The following AGPAT5 variants were observed in gnomAD, a reference collection of about 807,000 sequenced individuals.
The protein encoded by AGPAT5 is 1-acyl-sn-glycerol-3-phosphate acyltransferase epsilon.
AGPAT5 carries 46 observed loss-of-function variants against 45.6 expected under a neutral mutation model. That is an observed-to-expected ratio of 1.01 (90% confidence interval 0.80 to 1.29). AGPAT5 has a LOEUF of 1.29. Among genes scored for constraint, AGPAT5 ranks in the 50% most tolerant of loss-of-function variants. The pLI, the probability that AGPAT5 is intolerant of heterozygous loss-of-function variation, is 0.00. For missense variants in AGPAT5, 673 were observed against 450.7 expected (o/e 1.49, Z -4.47); for synonymous variants, 272 against 167.0 (o/e 1.63, Z -4.85).
chr8:6,713,151 G>T (rs575926308), intron 1 of AGPAT5, among the ~76,000 whole-genome samples: 1 of 152,142 alleles, frequency 6.6e-6, no homozygotes, highest in Non-Finnish European at 1.5e-5. Context: ...AAAAGTTTTT[G>T]TAGAAATGGG....
At chr8:6,729,258 A>G (rs1800785397) in intron 2 of AGPAT5, among the ~76,000 whole-genome samples, 1 of 152,086 alleles carries the variant, frequency 6.6e-6, no homozygotes, top group Non-Finnish European at 1.5e-5. Context: ...CTGAGAGCTA[A>G]TCATCTTGTA....
intron 4 of AGPAT5, among the ~76,000 whole-genome samples, chr8:6,735,695 GTT>G (rs1801027461): frequency 1.3e-5 from 2 of 151,988 alleles, no homozygotes; most frequent in South Asian, 4.1e-4. Flanking sequence ...TGTTGTTGTT[GTT>G]GTAGGGTTGG....
rs1801926360 is a variant in AGPAT5 at position 6,758,652 on chromosome 8, G to T, written c.*1264G>T. On this transcript the variant is annotated 3_prime_UTR_variant, in exon 8 of 8. Transcript: ENST00000285518. ...AACGAATTTGTTTATTTCCCATTAG[G>T]TTTAGTGGAGCTACACATTAATATG... 6.6e-6 allele frequency: 1 copy of T among 152,616 alleles called. No homozygotes were observed. Among genetic ancestry groups the T allele is most frequent in the Admixed American group, 6.5e-5 (1 of 15,282 alleles). The allele number at this position is 152,616 out of a possible 1,614,324, so 9.5% of individuals were successfully genotyped here.
intron 1 of AGPAT5, among the ~76,000 whole-genome samples, chr8:6,715,177 A>G (rs1800280043): frequency 6.6e-6 from 1 of 152,232 alleles, no homozygotes; most frequent in Admixed American, 6.5e-5. Flanking sequence ...AAGACAAACA[A>G]TAACAAGAAA....
At chr8:6,724,283 C>G (rs901810391) in intron 1 of AGPAT5, among the ~76,000 whole-genome samples, 2 of 152,180 alleles carry the variant, frequency 1.3e-5, no homozygotes, top group Non-Finnish European at 2.9e-5. Context: ...TGCCCATGTT[C>G]CCAACAGGCC....
Position 6,714,676 on chromosome 8 carries a change from A to G in AGPAT5, c.219+5789A>G, listed in dbSNP as rs80311446. Among the ~76,000 whole-genome samples, 1,273 of 152,320 alleles carry G rather than the reference A, an allele frequency of 8.4e-3. 65 individuals are homozygous for G. Among genetic ancestry groups the G allele is most frequent in the Admixed American group, 0.064 (978 of 15,294 alleles). On this transcript the variant is annotated intron_variant, in intron 1 of 7. Coordinates refer to ENST00000285518, the MANE Select transcript of AGPAT5 (RefSeq NM_018361.5). ...ACATCCCAGTTTGGTGTGTAACTTTAGATTTCTTCCAAGAGCTTTTGAGTA... is the reference window on the plus strand; with the variant it reads ...ACATCCCAGTTTGGTGTGTAACTTTGGATTTCTTCCAAGAGCTTTTGAGTA...
intron 1 of AGPAT5, among the ~76,000 whole-genome samples, chr8:6,724,485 A>G (rs566858542): frequency 2.0e-5 from 3 of 152,354 alleles, no homozygotes; most frequent in South Asian, 2.1e-4. Context: ...CCATATTTTC[A>G]TAGTATTTGC....
At chr8:6,735,414 G>C (rs551706366) in intron 4 of AGPAT5, among the ~76,000 whole-genome samples, 2 of 152,212 alleles carry the variant, frequency 1.3e-5, no homozygotes, top group Admixed American at 6.5e-5. Flanking sequence ...GGTCGAGCCT[G>C]TGAAATGTGC....
chr8:6,732,713 T>A (rs1431077412), intron 4 of AGPAT5, 63 bp downstream of exon 4: 2 of 1,328,554 alleles, frequency 1.5e-6, no homozygotes, highest in African/African-American at 3.0e-5. Flanking sequence ...AAGAATTAAA[T>A]TAAAATCTAA....
chr8:6,735,285 C>T (rs1371499785), intron 4 of AGPAT5, among the ~76,000 whole-genome samples: 2 of 152,178 alleles, frequency 1.3e-5, no homozygotes, highest in Non-Finnish European at 1.5e-5. Flanking sequence ...AGGATGTGGG[C>T]TGGGCCCTGA....
intron 6 of AGPAT5, among the ~76,000 whole-genome samples, chr8:6,754,529 G>A (rs1237840964): frequency 2.0e-5 from 3 of 152,110 alleles, no homozygotes; most frequent in Admixed American, 2.0e-4. Context: ...ATTATCAGGC[G>A]CCTGTGAGTG....
chr8:6,740,445 T>A (rs1801210332), intron 4 of AGPAT5, among the ~76,000 whole-genome samples: 1 of 149,594 alleles, frequency 6.7e-6, no homozygotes, highest in Non-Finnish European at 1.5e-5. Flanking sequence ...ATCTGGTGAA[T>A]CTTCATTATT....
chr8:6,741,802 T>G (rs1587046802), intron 5 of AGPAT5, 51 bp downstream of exon 5: 1 of 1,409,078 alleles, frequency 7.1e-7, no homozygotes, highest in Non-Finnish European at 9.9e-7. Flanking sequence ...GATAATAACA[T>G]TTTTAGTTTT....
At position 6,753,938 on chromosome 8, in the gene AGPAT5, G is replaced by A. The variant is rs540742664; in HGVS notation, c.746-1113G>A. 5.9e-5 allele frequency among the ~76,000 whole-genome samples: 9 copies of A among 152,254 alleles called. No individual in the cohort carries two copies. In the South Asian group the frequency reaches 1.9e-3, roughly 32 times the overall value. ...GTTGCAGAGAGTACTTAGCAAAAAC[G>A]GGAAGTGTGTGGGGTTGAAGGAGCA... On this transcript the variant is annotated intron_variant, in intron 6 of 7. Transcript: ENST00000285518.
At chr8:6,718,893 A>G (rs1559745) in intron 1 of AGPAT5, among the ~76,000 whole-genome samples, 9,289 of 152,308 alleles carry the variant, frequency 0.061, 362 homozygotes, top group African/African-American at 0.11. Context: ...GCAGTTAATT[A>G]CCTAAACACA....
At chr8:6,748,878 C>A (rs1464029500) in intron 6 of AGPAT5, among the ~76,000 whole-genome samples, 1 of 152,116 alleles carries the variant, frequency 6.6e-6, no homozygotes, top group East Asian at 1.9e-4. Flanking sequence ...TATGAGCCTC[C>A]AGCACGTTTT....
At chr8:6,742,431 A>G (rs907409427) in intron 5 of AGPAT5, among the ~76,000 whole-genome samples, 3 of 152,224 alleles carry the variant, frequency 2.0e-5, no homozygotes, top group Non-Finnish European at 2.9e-5. Context: ...TGGCTATGCT[A>G]TGTTCTTAGA....
chr8:6,708,654 C>A lies in AGPAT5; in HGVS notation c.-15C>A, dbSNP rs370484641. ...GGGGAGCGCAGGCGGAGCTCGCTGCCGCCGAGCTGAGAAGATGCTGCTGTC... is the reference window on the plus strand; with the variant it reads ...GGGGAGCGCAGGCGGAGCTCGCTGCAGCCGAGCTGAGAAGATGCTGCTGTC... On this transcript the variant is annotated 5_prime_UTR_variant, in exon 1 of 8. Coordinates refer to ENST00000285518, the MANE Select transcript of AGPAT5 (RefSeq NM_018361.5). 2.9e-5 allele frequency: 44 copies of A among 1,525,232 alleles called. No individual in the cohort carries two copies. The Admixed American group carries it at 4.5e-4, about 16-fold the overall frequency. 94.5% of individuals were successfully genotyped at this position (1,525,232 alleles called of 1,614,324 possible). A position where few individuals can be genotyped will look rare whatever the true frequency, so the allele number is the denominator to read the frequency against.
chr8:6,717,156 A>C (rs1800360059), intron 1 of AGPAT5, among the ~76,000 whole-genome samples: 1 of 152,226 alleles, frequency 6.6e-6, no homozygotes, highest in Admixed American at 6.5e-5. Context: ...TTGTGAATCA[A>C]AACCAGTACT....
Sources: allele counts gnomAD v4.1 joint callset (sites outside exome capture counted in the v4.1 genomes callset), GRCh38; gene constraint gnomAD v4.1.1; transcripts MANE v1.5; gene names NCBI Gene and HGNC (gene_info 2026-07-23, HGNC 2026-07-21).